Variants in EYS observed in about 807,000 individuals in gnomAD.
EYS encodes EGF-like photoreceptor maintenance factor.
In EYS, 250 loss-of-function variants were observed where a neutral mutation model predicts 282.1. That is an observed-to-expected ratio of 0.89 (90% confidence interval 0.80 to 0.98). The LOEUF (loss-of-function observed/expected upper bound fraction) is 0.98, where lower values mean the gene tolerates loss of function less well. Ranked by LOEUF, EYS falls within the 50% of genes least tolerant of loss-of-function variation. The pLI, the probability that EYS is intolerant of heterozygous loss-of-function variation, is 0.00. For missense variants in EYS, 4,016 were observed against 3,709.0 expected, an observed-to-expected ratio of 1.08 and a Z score of -2.15; for synonymous variants, 1,355 against 1,282.9, an observed-to-expected ratio of 1.06 and a Z score of -1.20.
At chr6:65,704,120 CCACTGTG>C (rs1189245815) in intron 1 of EYS, among the ~76,000 whole-genome samples, 2 of 152,158 alleles carry the variant, frequency 1.3e-5, no homozygotes, top group Non-Finnish European at 2.9e-5. Flanking sequence ...AAATATGCCA[CCACTGTG>C]CATGTGGATG....
At chr6:65,189,040 A>T (rs116128725) in intron 12 of EYS, among the ~76,000 whole-genome samples, 5,528 of 151,698 alleles carry the variant, frequency 0.036, 343 homozygotes, top group African/African-American at 0.12. Flanking sequence ...GAATACCTCT[A>T]TCTTAATTAT....
At chr6:63,743,851 CAA>C in intron 41 of EYS, among the ~76,000 whole-genome samples, 1 of 152,110 alleles carries the variant, frequency 6.6e-6, no homozygotes, top group East Asian at 1.9e-4. Flanking sequence ...ACCAAACAAA[CAA>C]AATAAACAGT....
intron 19 of EYS, among the ~76,000 whole-genome samples, chr6:64,864,860 A>G (rs1424946241): frequency 6.6e-6 from 1 of 151,474 alleles, no homozygotes; most frequent in Non-Finnish European, 1.5e-5. Context: ...ACATGGTGAA[A>G]CCCCGTCTCT....
intron 2 of EYS, among the ~76,000 whole-genome samples, chr6:65,628,777 C>T (rs537068547): frequency 1.8e-4 from 27 of 152,290 alleles, no homozygotes; most frequent in Non-Finnish European, 2.9e-4. Flanking sequence ...ACTCCAGACG[C>T]GCCACCTTAA....
At chr6:64,186,248 TACAC>T (rs34727951) in intron 31 of EYS, among the ~76,000 whole-genome samples, 34,783 of 146,894 alleles carry the variant, frequency 0.24, 4,168 homozygotes, top group East Asian at 0.36. Context: ...ATGTGTGTTT[TACAC>T]ACACACACAC....
intron 14 of EYS, among the ~76,000 whole-genome samples, chr6:64,948,324 C>A (rs1270400529): frequency 6.6e-6 from 1 of 151,022 alleles, no homozygotes; most frequent in African/African-American, 2.4e-5. Flanking sequence ...TTTAGACATT[C>A]TTGCTGCAAA....
chr6:65,196,081 G>A (rs767586885), intron 12 of EYS, among the ~76,000 whole-genome samples: 59 of 151,888 alleles, frequency 3.9e-4, no homozygotes, highest in Non-Finnish European at 2.5e-4. Context: ...CTATCTACAA[G>A]GCAATAAAAC....
chr6:63,966,060 ATAAT>A (rs1302133481), intron 35 of EYS, among the ~76,000 whole-genome samples: 3 of 152,170 alleles, frequency 2.0e-5, no homozygotes, highest in Non-Finnish European at 4.4e-5. Context: ...CACTAATGAG[ATAAT>A]TAAAGAAGTT....
At chr6:64,553,545 A>ATCCCCC (rs1765150929) in intron 26 of EYS, among the ~76,000 whole-genome samples, 2 of 46,458 alleles carry the variant, frequency 4.3e-5, no homozygotes, top group Non-Finnish European at 9.1e-5. Flanking sequence ...CTTTTGTTTG[A>ATCCCCC]CCCCCCCCCC....
intron 2 of EYS, among the ~76,000 whole-genome samples, chr6:65,552,459 GATTCAAATTATTTT>G (rs1276993049): frequency 6.6e-6 from 1 of 152,074 alleles, no homozygotes; most frequent in Admixed American, 6.6e-5. Flanking sequence ...TTGGCTTGAT[GATTCAAATTATTTT>G]AAATAATTTT....
At chr6:64,997,444 G>A in intron 14 of EYS, 138 bp downstream of exon 14, 1 of 747,332 alleles carries the variant, frequency 1.3e-6, no homozygotes, top group Non-Finnish European at 2.0e-6. Flanking sequence ...TTGAGTTTCT[G>A]TTTTCTAACC....
chr6:65,367,091 C>G (rs556884055), intron 8 of EYS, among the ~76,000 whole-genome samples: 5 of 151,610 alleles, frequency 3.3e-5, no homozygotes, highest in Admixed American at 1.3e-4. Flanking sequence ...GATTAGGACA[C>G]AGAGGACACA....
rs560996127 is a variant in EYS, at chr6:65,264,512, C to T, written c.2023+31351G>A. Among the ~76,000 whole-genome samples the T allele has an allele frequency of 2.0e-4, 31 of 152,086 alleles. No individual in the cohort carries two copies. The South Asian group carries it at 5.4e-3, about 26-fold the overall frequency. On this transcript the variant is annotated intron_variant, in intron 12 of 42. Transcript: ENST00000503581. The stretch of plus-strand genomic sequence containing the variant: ...GAATAGAAGTACTTCTTTGTCTCTC[C>T]TTAAATAATCAAAATTGTATTGCAA...
At chr6:65,341,663 G>A (rs576508218) in intron 10 of EYS, among the ~76,000 whole-genome samples, 2 of 151,278 alleles carry the variant, frequency 1.3e-5, no homozygotes, top group African/African-American at 4.8e-5. Context: ...AAGTATGTGA[G>A]TTGTTTAAAC....
rs185711334 is a variant in EYS, at chr6:64,512,085, G to C, written c.5645-72733C>G. On this transcript the variant is annotated intron_variant, in intron 26 of 42. Coordinates refer to ENST00000503581, the MANE Select transcript of EYS (RefSeq NM_001142800.2). The stretch of plus-strand genomic sequence containing the variant: ...ATACTCCTTTTAATTATATGTGCAT[G>C]TGTATATATACACATTTATGCACAC... 3.3e-3 allele frequency among the ~76,000 whole-genome samples: 496 copies of C among 151,904 alleles called. 11 individuals are homozygous for C. Among genetic ancestry groups the C allele is most frequent in the Admixed American group, 0.028 (431 of 15,242 alleles).
At chr6:64,333,143 C>G (rs1246984720) in intron 29 of EYS, among the ~76,000 whole-genome samples, 1 of 151,490 alleles carries the variant, frequency 6.6e-6, no homozygotes, top group African/African-American at 2.5e-5. Flanking sequence ...GTCTGTGATC[C>G]TGGAAACAGG....
chr6:64,183,674 A>G (rs147241379), intron 31 of EYS, among the ~76,000 whole-genome samples: 86 of 152,312 alleles, frequency 5.6e-4, no homozygotes, highest in African/African-American at 1.9e-3. Flanking sequence ...TGTAAAAGCT[A>G]TAAAAAACAC....
At chr6:64,312,592 T>C (rs957375295) in intron 29 of EYS, among the ~76,000 whole-genome samples, 2 of 152,128 alleles carry the variant, frequency 1.3e-5, no homozygotes, top group Non-Finnish European at 2.9e-5. Flanking sequence ...CTAGGAGACA[T>C]CTCCCAGTAG....
chr6:64,163,591 A>G (rs1775174904), intron 31 of EYS, among the ~76,000 whole-genome samples: 1 of 152,092 alleles, frequency 6.6e-6, no homozygotes, highest in Non-Finnish European at 1.5e-5. Context: ...TGAGAAAAAA[A>G]TAACCGTTTA....
Sources: gnomAD v4.1 joint callset for allele counts (sites outside exome capture counted in the v4.1 genomes callset) on GRCh38, gnomAD v4.1.1 for gene constraint, MANE v1.5 for transcripts, NCBI Gene and HGNC (gene_info 2026-07-23, HGNC 2026-07-21) for gene names.